TEK: variants seen among roughly 807,000 people sequenced by gnomAD.
TEK encodes the protein angiopoietin-1 receptor.
In TEK, 43 loss-of-function variants were observed where a neutral mutation model predicts 131.8. The observed-to-expected ratio is 0.33, with a 90% CI of 0.26 to 0.42. The LOEUF (loss-of-function observed/expected upper bound fraction) is 0.42. Ranked by LOEUF, TEK falls within the 10% of genes least tolerant of loss-of-function variation. TEK has a pLI of 1.00. For synonymous variants in TEK, 580 were observed against 491.6 expected, an observed-to-expected ratio of 1.18 and a Z score of -2.38; for missense variants, 1,162 against 1,384.4, an observed-to-expected ratio of 0.84 and a Z score of 2.55.
At position 27,184,321 on chromosome 9, in the gene TEK, A is replaced by G. The variant is rs150813361; in HGVS notation, c.1182+711A>G. Among the ~76,000 whole-genome samples the G allele has an allele frequency of 9.4e-3, 1,431 of 152,286 alleles. 11 individuals are homozygous for G. Among genetic ancestry groups the G allele is most frequent in the Non-Finnish European group, 0.012 (832 of 68,006 alleles). ...CCCAACTATACCAAATGCAGCAGAGACAGGAGCCACCCCAAATTTCTCTTG... is the reference window on the plus strand; with the variant it reads ...CCCAACTATACCAAATGCAGCAGAGGCAGGAGCCACCCCAAATTTCTCTTG... On this transcript the variant is annotated intron_variant, in intron 8 of 22. Transcript: ENST00000380036.
At chr9:27,172,378 T>G (rs1009843988) in intron 4 of TEK, among the ~76,000 whole-genome samples, 4 of 152,216 alleles carry the variant, frequency 2.6e-5, no homozygotes, top group African/African-American at 9.7e-5. Flanking sequence ...GAAGCCTTCC[T>G]TTATGCCCTC....
At chr9:27,163,541 T>G (rs1272601107) in intron 2 of TEK, among the ~76,000 whole-genome samples, 1 of 152,044 alleles carries the variant, frequency 6.6e-6, no homozygotes, top group African/African-American at 2.4e-5. Flanking sequence ...AGTGATGAGA[T>G]CTGGCTGAGG....
intron 1 of TEK, among the ~76,000 whole-genome samples, chr9:27,141,448 C>G (rs765976645): frequency 1.5e-4 from 23 of 152,132 alleles, no homozygotes; most frequent in Non-Finnish European, 2.8e-4. Flanking sequence ...GTAACTTTCT[C>G]TCATCCTTCC....
At chr9:27,197,640 G>A in intron 12 of TEK, 41 bp downstream of exon 12, 2 of 1,611,468 alleles carry the variant, frequency 1.2e-6, no homozygotes, top group Non-Finnish European at 1.7e-6. Context: ...TGAGCAATAA[G>A]GGGCTACCGC....
intron 2 of TEK, among the ~76,000 whole-genome samples, chr9:27,165,381 A>G (rs756849553): frequency 2.6e-5 from 4 of 152,192 alleles, no homozygotes; most frequent in Non-Finnish European, 4.4e-5. Flanking sequence ...CAAGAGCTGC[A>G]TGCATTTGGA....
intron 1 of TEK, among the ~76,000 whole-genome samples, chr9:27,134,480 C>T (rs998178986): frequency 9.2e-5 from 14 of 152,178 alleles, no homozygotes; most frequent in Non-Finnish European, 7.3e-5. Context: ...ACACATTCTA[C>T]GTTACACAGT....
intron 1 of TEK, among the ~76,000 whole-genome samples, chr9:27,111,596 A>G (rs1234130477): frequency 6.6e-6 from 1 of 150,908 alleles, no homozygotes; most frequent in Non-Finnish European, 1.5e-5. Context: ...TTGTTTACCC[A>G]TAAGAGGGCT....
intron 1 of TEK, among the ~76,000 whole-genome samples, chr9:27,142,040 T>A (rs1167681512): frequency 6.6e-6 from 1 of 151,984 alleles, no homozygotes; most frequent in African/African-American, 2.4e-5. Context: ...GCAGGAGAAA[T>A]AATGTCACAA....
At chr9:27,114,330 T>C (rs1821460996) in intron 1 of TEK, among the ~76,000 whole-genome samples, 1 of 152,182 alleles carries the variant, frequency 6.6e-6, no homozygotes. Context: ...CCCAGCACTT[T>C]GGGAGGCCAA....
chr9:27,184,304 T>C (rs1242950639), intron 8 of TEK, among the ~76,000 whole-genome samples: 5 of 152,194 alleles, frequency 3.3e-5, no homozygotes, highest in African/African-American at 7.2e-5. Flanking sequence ...CTCCCAACTA[T>C]ACCAAATGCA....
chr9:27,203,191 G>A, intron 13 of TEK, 72 bp downstream of exon 13: 1 of 1,543,320 alleles, frequency 6.5e-7, no homozygotes. Context: ...ATCAGGACAG[G>A]CCTGTGAGAT....
At chr9:27,126,332 G>A (rs1222951063) in intron 1 of TEK, among the ~76,000 whole-genome samples, 3 of 152,184 alleles carry the variant, frequency 2.0e-5, no homozygotes, top group Admixed American at 2.0e-4. Context: ...ATTGTAAATG[G>A]TGAAAATGGC....
intron 1 of TEK, among the ~76,000 whole-genome samples, chr9:27,144,505 A>G (rs952906378): frequency 1.3e-5 from 2 of 152,162 alleles, no homozygotes; most frequent in Non-Finnish European, 2.9e-5. Context: ...GACTCTTGAG[A>G]TATTTAGGCC....
chr9:27,172,435 C>T (rs1320630145), intron 4 of TEK, among the ~76,000 whole-genome samples, 181 bp from the exon 5 acceptor site: 4 of 152,170 alleles, frequency 2.6e-5, no homozygotes, highest in Non-Finnish European at 4.4e-5. Flanking sequence ...TTGTTTCTGT[C>T]GCGATTTCCT....
intron 1 of TEK, among the ~76,000 whole-genome samples, chr9:27,138,285 C>T (rs13286156): frequency 0.23 from 35,346 of 151,656 alleles, 4,652 homozygotes; most frequent in Admixed American, 0.3. Flanking sequence ...CCTTATTTGG[C>T]CCTGCCCACA....
intron 2 of TEK, 25 bp from the exon 3 acceptor site, chr9:27,168,470 G>T (rs610646): frequency 1.3e-6 from 2 of 1,572,006 alleles, no homozygotes; most frequent in South Asian, 1.1e-5. Context: ...CCCATTTTTG[G>T]TATTTGTTTT....
intron 3 of TEK, 60 bp downstream of exon 3, chr9:27,168,665 A>G (rs1823832447): frequency 5.0e-6 from 6 of 1,208,280 alleles, no homozygotes; most frequent in Non-Finnish European, 7.3e-6. Context: ...AACATACAAC[A>G]TATTGAATCA....
At chr9:27,218,984 A>AT (rs1459869357) in intron 20 of TEK, among the ~76,000 whole-genome samples, 167 bp downstream of exon 20, 1 of 152,068 alleles carries the variant, frequency 6.6e-6, no homozygotes, top group Non-Finnish European at 1.5e-5. Flanking sequence ...TTTCTTTTTA[A>AT]AAGCCTTATA....
chr9:27,185,449 TAGA>T, intron 8 of TEK, 33 bp from the exon 9 acceptor site: 1 of 1,613,210 alleles, frequency 6.2e-7, no homozygotes, highest in Non-Finnish European at 8.5e-7. Context: ...TATGCCTCCC[TAGA>T]AGTTTTTATT....
Sources: allele counts gnomAD v4.1 joint callset (sites outside exome capture counted in the v4.1 genomes callset), GRCh38; gene constraint gnomAD v4.1.1; transcripts MANE v1.5; gene names NCBI Gene and HGNC (gene_info 2026-07-23, HGNC 2026-07-21).